Variants in ADAMTS12 observed in about 807,000 individuals in gnomAD.
The protein encoded by ADAMTS12 is A disintegrin and metalloproteinase with thrombospondin motifs 12.
ADAMTS12 carries 118 observed loss-of-function variants against 167.8 expected under a neutral mutation model. The ratio of observed to expected loss-of-function variants is 0.70; its 90% CI spans 0.61 to 0.82. The LOEUF (loss-of-function observed/expected upper bound fraction) is 0.82, where lower values mean the gene tolerates loss of function less well. Among genes scored for constraint, ADAMTS12 ranks in the 40% least tolerant of loss-of-function variants. The probability of loss-of-function intolerance (pLI) is 0.00; values close to 1 mark genes in which losing one functional copy is unlikely to be tolerated. For missense variants in ADAMTS12, 1,916 were observed against 1,998.8 expected, an observed-to-expected ratio of 0.96 and a Z score of 0.79; for synonymous variants, 704 against 716.9, an observed-to-expected ratio of 0.98 and a Z score of 0.29.
At chr5:33,743,029 T>G (rs1338487391) in intron 3 of ADAMTS12, among the ~76,000 whole-genome samples, 2 of 152,222 alleles carry the variant, frequency 1.3e-5, no homozygotes, top group Non-Finnish European at 2.9e-5. Context: ...CAGGGAAGGC[T>G]TCTCTGGGTA....
intron 17 of ADAMTS12, among the ~76,000 whole-genome samples, chr5:33,591,108 G>A (rs945561134): frequency 8.7e-5 from 13 of 150,046 alleles, no homozygotes. Context: ...GTGTGTGTAT[G>A]TGTGTGCCTA....
At chr5:33,851,716 C>A (rs1749227008) in intron 2 of ADAMTS12, among the ~76,000 whole-genome samples, 1 of 152,182 alleles carries the variant, frequency 6.6e-6, no homozygotes. Flanking sequence ...TGCTGCAATG[C>A]AATTTCAAAT....
chr5:33,848,140 C>T (rs912451119), intron 2 of ADAMTS12, among the ~76,000 whole-genome samples: 14 of 151,818 alleles, frequency 9.2e-5, no homozygotes, highest in Non-Finnish European at 2.9e-5. Flanking sequence ...TCGCTTGAAT[C>T]CAGGAGGCGG....
At chr5:33,674,861 A>G (rs1013869530) in intron 5 of ADAMTS12, among the ~76,000 whole-genome samples, 7 of 152,122 alleles carry the variant, frequency 4.6e-5, no homozygotes, top group Admixed American at 4.6e-4. Context: ...TCTCCCCTCA[A>G]AAACTCATGT....
At chr5:33,565,279 C>T in intron 19 of ADAMTS12, among the ~76,000 whole-genome samples, 1 of 152,190 alleles carries the variant, frequency 6.6e-6, no homozygotes, top group South Asian at 2.1e-4. Context: ...CTTCAGGCTC[C>T]CGAGTAGCTG....
At chr5:33,781,416 A>T (rs1746123088) in intron 2 of ADAMTS12, among the ~76,000 whole-genome samples, 1 of 152,198 alleles carries the variant, frequency 6.6e-6, no homozygotes, top group African/African-American at 2.4e-5. Context: ...TCTGATTCAG[A>T]ATATGTGGAT....
At chr5:33,847,623 CAA>C (rs34289930) in intron 2 of ADAMTS12, among the ~76,000 whole-genome samples, 1 of 132,236 alleles carries the variant, frequency 7.6e-6, no homozygotes. Context: ...AACTCCATCT[CAA>C]AAAAAAAAAG....
At chr5:33,756,325 AT>A (rs1302961873) in intron 2 of ADAMTS12, among the ~76,000 whole-genome samples, 1 of 152,212 alleles carries the variant, frequency 6.6e-6, no homozygotes, top group Non-Finnish European at 1.5e-5. Context: ...GGTGCTATGG[AT>A]TCCAGCACTG....
intron 3 of ADAMTS12, among the ~76,000 whole-genome samples, chr5:33,711,290 T>A (rs1256932894): frequency 6.6e-6 from 1 of 152,180 alleles, no homozygotes; most frequent in East Asian, 1.9e-4. Context: ...GCTCTGTTAC[T>A]TATTTCTCTC....
chr5:33,575,312 GT>G (rs1200919930), intron 19 of ADAMTS12, among the ~76,000 whole-genome samples: 11 of 152,202 alleles, frequency 7.2e-5, no homozygotes, highest in African/African-American at 2.6e-4. Flanking sequence ...TCAAAACTAG[GT>G]TTTTGAGAAA....
At chr5:33,567,581 A>G (rs1441059852) in intron 19 of ADAMTS12, among the ~76,000 whole-genome samples, 3 of 152,202 alleles carry the variant, frequency 2.0e-5, no homozygotes, top group Admixed American at 6.5e-5. Context: ...AAGCACAAGT[A>G]GCTGGACTGC....
intron 19 of ADAMTS12, among the ~76,000 whole-genome samples, chr5:33,572,041 A>C (rs1746381592): frequency 6.6e-6 from 1 of 152,184 alleles, no homozygotes; most frequent in Non-Finnish European, 1.5e-5. Context: ...TCCCAAGACT[A>C]AACCAGGAAG....
intron 7 of ADAMTS12, among the ~76,000 whole-genome samples, chr5:33,656,036 G>A (rs764114002): frequency 9.2e-5 from 14 of 152,028 alleles, no homozygotes; most frequent in Non-Finnish European, 1.6e-4. Flanking sequence ...TTTAGTTAGA[G>A]GTTTTTTTAG....
chr5:33,881,131 G>A lies in ADAMTS12; in HGVS notation c.477C>T (p.Ala159=), dbSNP rs759411634. The change falls in exon 2 of 24, where the codon GCC becomes GCT. Residue 159 remains alanine (A), a synonymous_variant. Coordinates refer to ENST00000504830, the MANE Select transcript of ADAMTS12 (RefSeq NM_030955.4). ...GTRVGTAALS[A]CHGLTGFFQL... is the part of the protein sequence containing the mutation. ...AGCCCACACTCACCAGTCCATGGCA[G>A]GCACTGAGGGCTGCCGTCCCAACTC... The A allele has an allele frequency of 1.2e-6, 2 of 1,613,474 alleles. No homozygotes were observed. The highest frequency in any genetic ancestry group is 1.1e-5 in the South Asian group (1 of 91,018).
At chr5:33,682,634 T>C (rs2112260389) in intron 5 of ADAMTS12, among the ~76,000 whole-genome samples, 1 of 152,342 alleles carries the variant, frequency 6.6e-6, no homozygotes, top group Admixed American at 6.5e-5. Flanking sequence ...TTGTGTTAAA[T>C]ATGCAAGAAG....
intron 10 of ADAMTS12, among the ~76,000 whole-genome samples, chr5:33,643,142 G>A (rs576189753): frequency 1.4e-4 from 21 of 152,224 alleles, no homozygotes; most frequent in Non-Finnish European, 3.1e-4. Context: ...TGAAACAGAT[G>A]TTTTACAAGT....
At chr5:33,665,167 A>G (rs1412088244) in intron 5 of ADAMTS12, among the ~76,000 whole-genome samples, 3 of 152,208 alleles carry the variant, frequency 2.0e-5, no homozygotes, top group East Asian at 3.8e-4. Context: ...ACAGGAAGAC[A>G]AATACCACAT....
chr5:33,750,888 C>T (rs1744948207), intron 3 of ADAMTS12, among the ~76,000 whole-genome samples: 1 of 152,204 alleles, frequency 6.6e-6, no homozygotes, highest in Non-Finnish European at 1.5e-5. Context: ...TTACTGAATT[C>T]ATCATCTGAC....
At chr5:33,797,554 G>T (rs1746828488) in intron 2 of ADAMTS12, among the ~76,000 whole-genome samples, 1 of 152,022 alleles carries the variant, frequency 6.6e-6, no homozygotes, top group Admixed American at 6.6e-5. Flanking sequence ...GCCAAAGTGA[G>T]CTGGCTTTTA....
Sources: allele counts gnomAD v4.1 joint callset (sites outside exome capture counted in the v4.1 genomes callset), GRCh38; gene constraint gnomAD v4.1.1; transcripts MANE v1.5; gene names NCBI Gene and HGNC (gene_info 2026-07-23, HGNC 2026-07-21).